Variants in MEGF9 observed in about 807,000 individuals in gnomAD.
The protein encoded by MEGF9 is multiple epidermal growth factor-like domains protein 9.
Under a neutral mutation model 46.8 loss-of-function variants are expected in MEGF9, and 6 were observed. The ratio of observed to expected loss-of-function variants is 0.13; its 90% CI spans 0.07 to 0.25. The LOEUF is 0.25. Among genes scored for constraint, MEGF9 ranks in the 10% least tolerant of loss-of-function variants. The pLI, the probability that MEGF9 is intolerant of heterozygous loss-of-function variation, is 1.00. For synonymous variants in MEGF9, 302 were observed against 330.7 expected (o/e 0.91, Z 0.94); for missense variants, 683 against 792.4 (o/e 0.86, Z 1.66).
chr9:120,639,889 C>G (rs1355632676), intron 2 of MEGF9, among the ~76,000 whole-genome samples: 14 of 152,202 alleles, frequency 9.2e-5, no homozygotes, highest in East Asian at 7.7e-4. Context: ...CATTTTCTTC[C>G]TAATAGATAG....
intron 2 of MEGF9, among the ~76,000 whole-genome samples, chr9:120,631,545 T>C (rs2043550743): frequency 6.6e-6 from 1 of 151,196 alleles, no homozygotes; most frequent in African/African-American, 2.4e-5. Context: ...AGTGCAGTGG[T>C]GCAATCTCAA....
intron 1 of MEGF9, among the ~76,000 whole-genome samples, chr9:120,680,878 G>C (rs1260016980): frequency 6.6e-6 from 1 of 151,884 alleles, no homozygotes; most frequent in East Asian, 1.9e-4. Flanking sequence ...TCTTCCATCA[G>C]CTTGTGGTGA....
chr9:120,693,362 G>A (rs577493814), intron 1 of MEGF9, among the ~76,000 whole-genome samples: 32 of 151,684 alleles, frequency 2.1e-4, no homozygotes, highest in African/African-American at 7.7e-4. Flanking sequence ...AAGCAATAAG[G>A]AAACAGAAAG....
rs529855940 is a variant in MEGF9 at position 120,643,059 on chromosome 9, A to T, written c.803+16315T>A. Among the ~76,000 whole-genome samples the T allele has an allele frequency of 3.9e-5, 6 of 152,342 alleles. No homozygotes were observed. The East Asian group carries it at 1.2e-3, about 29-fold the overall frequency. On this transcript the variant is annotated intron_variant, in intron 2 of 5. Transcript: ENST00000373930. ...ACTATGTCAAAATAATCATGGCTGA[A>T]GCATTTGTGTCCCTTTTTATGGAAA...
chr9:120,671,996 G>C (rs1205101937), intron 1 of MEGF9, among the ~76,000 whole-genome samples: 1 of 152,110 alleles, frequency 6.6e-6, no homozygotes, highest in Non-Finnish European at 1.5e-5. Context: ...GCAGACTAAA[G>C]AAAAATGCCA....
intron 1 of MEGF9, among the ~76,000 whole-genome samples, chr9:120,708,321 C>G (rs2043937920): frequency 6.6e-6 from 1 of 151,760 alleles, no homozygotes; most frequent in South Asian, 2.1e-4. Flanking sequence ...TCCGAGATGG[C>G]ACCACTGCAC....
intron 1 of MEGF9, among the ~76,000 whole-genome samples, chr9:120,695,814 G>GAATTTCCTATTAAA (rs2043874406): frequency 6.6e-6 from 1 of 152,054 alleles, no homozygotes; most frequent in Non-Finnish European, 1.5e-5. Context: ...CTATTTGGAG[G>GAATTTCCTATTAAA]AATTCTCCAT....
intron 1 of MEGF9, among the ~76,000 whole-genome samples, chr9:120,710,804 G>C (rs2043949556): frequency 6.6e-6 from 1 of 152,198 alleles, no homozygotes; most frequent in Non-Finnish European, 1.5e-5. Flanking sequence ...TTCTGCCAAA[G>C]AGATATGTTT....
intron 1 of MEGF9, among the ~76,000 whole-genome samples, chr9:120,679,875 T>C (rs1587993486): frequency 6.6e-6 from 1 of 150,842 alleles, no homozygotes; most frequent in Admixed American, 6.6e-5. Flanking sequence ...GAGGCGGAGG[T>C]TGCAGTGAGC....
Position 120,659,488 on chromosome 9 carries a change from T to C in MEGF9, c.689A>G (p.Tyr230Cys). The C allele has an allele frequency of 6.2e-7, 1 of 1,613,826 alleles. No homozygotes were observed. The highest frequency in any genetic ancestry group is 2.2e-5 in the East Asian group (1 of 44,876). Residue 230 changes from tyrosine to cysteine, a missense_variant, in exon 2 of 6, where the codon TAT becomes TGT. Transcript: ENST00000373930. Reference protein sequence around the residue: ...TTGQCECRPGYQGLHCETCKE... With the variant: ...TTGQCECRPGCQGLHCETCKE... ...GCAGGTTTCACAGTGAAGCCCCTGA[T>C]AACCTGGCCGACACTCACACTGCCC... is the stretch of plus-strand genomic sequence containing the variant.
rs1405893799 is a variant in MEGF9 at position 120,713,813 on chromosome 9, G to C, written c.546C>G (p.Asn182Lys). ...CAGGTGGGGTGGGGAGGACGCTGCTGTTGCTGCTGCTGGGGAGATCGGGGG... is the reference window on the plus strand; with the variant it reads ...CAGGTGGGGTGGGGAGGACGCTGCTCTTGCTGCTGCTGGGGAGATCGGGGG... ...TPTPDLPSSS[N>K]SSVLPTPPAT... The change falls in exon 1 of 6, where the codon AAC (asparagine) becomes AAG (lysine). Residue 182 changes from asparagine to lysine, a missense_variant. Physicochemically the swap from Asn to Lys is moderately conservative, Grantham distance 94. Transcript: ENST00000373930. 7.7e-7 allele frequency: 1 copy of C among 1,298,792 alleles called. No homozygotes were observed. Among genetic ancestry groups the C allele is most frequent in the Non-Finnish European group, 9.8e-7 (1 of 1,022,706 alleles). 80.5% of individuals were successfully genotyped at this position (1,298,792 alleles called of 1,614,324 possible).
intron 2 of MEGF9, among the ~76,000 whole-genome samples, chr9:120,636,754 C>T (rs1431310787): frequency 9.9e-5 from 15 of 151,990 alleles, no homozygotes; most frequent in Admixed American, 6.5e-4. Context: ...CGCCTCCGCC[C>T]GGCCGCCCCA....
At chr9:120,677,341 C>T (rs907375825) in intron 1 of MEGF9, among the ~76,000 whole-genome samples, 3 of 152,070 alleles carry the variant, frequency 2.0e-5, no homozygotes, top group African/African-American at 7.2e-5. Flanking sequence ...CATCATGTTG[C>T]CCAGGCTGGT....
chr9:120,601,299 C>A lies in MEGF9; in HGVS notation c.*3891G>T, dbSNP rs938808653. ...CCCACATAGCCCAAAATATAGGAACCAGGGATGTTCATTATAAGTGGTGTT... is the reference window on the plus strand; with the variant it reads ...CCCACATAGCCCAAAATATAGGAACAAGGGATGTTCATTATAAGTGGTGTT... On this transcript the variant is annotated 3_prime_UTR_variant, in exon 6 of 6. Transcript: ENST00000373930. 1 of 152,154 alleles carries A rather than the reference C, an allele frequency of 6.6e-6. No individual in the cohort carries two copies. The highest frequency in any genetic ancestry group is 1.5e-5 in the Non-Finnish European group (1 of 68,034). 9.4% of individuals were successfully genotyped at this position (152,154 alleles called of 1,614,324 possible).
At chr9:120,651,166 GC>G (rs2043647870) in intron 2 of MEGF9, among the ~76,000 whole-genome samples, 1 of 152,066 alleles carries the variant, frequency 6.6e-6, no homozygotes, top group Non-Finnish European at 1.5e-5. Flanking sequence ...TTTCTACTAC[GC>G]CAAAACTAGG....
rs189673487 is a variant in MEGF9 at position 120,666,089 on chromosome 9, A to C, written c.602-6514T>G. On this transcript the variant is annotated intron_variant, in intron 1 of 5. Transcript: ENST00000373930. ...GCTTTGTCTGCTGTGATTCCATATGAATTTTAGGGTTTTTTTTAAAATTTC... is the reference window on the plus strand; with the variant it reads ...GCTTTGTCTGCTGTGATTCCATATGCATTTTAGGGTTTTTTTTAAAATTTC... Among the ~76,000 whole-genome samples the C allele has an allele frequency of 5.1e-4, 78 of 152,042 alleles. 2 individuals are homozygous for C. In the East Asian group the frequency reaches 0.014, roughly 26 times the overall value.
At chr9:120,694,888 G>C (rs1307597074) in intron 1 of MEGF9, among the ~76,000 whole-genome samples, 3 of 152,050 alleles carry the variant, frequency 2.0e-5, no homozygotes, top group Non-Finnish European at 4.4e-5. Context: ...ATGGTGCTTT[G>C]AATTTCCCAT....
intron 2 of MEGF9, among the ~76,000 whole-genome samples, chr9:120,654,836 T>C: frequency 6.6e-6 from 1 of 152,332 alleles, no homozygotes; most frequent in East Asian, 1.9e-4. Context: ...TGACTTTGTG[T>C]AGGCCTAGGC....
At chr9:120,691,468 TG>T in intron 1 of MEGF9, 1 of 470,072 alleles carries the variant, frequency 2.1e-6, no homozygotes, top group Non-Finnish European at 4.3e-6. Flanking sequence ...CACAGGCCAC[TG>T]ATGCCCTGAA....
Sources: gnomAD v4.1 joint callset for allele counts (sites outside exome capture counted in the v4.1 genomes callset) on GRCh38, gnomAD v4.1.1 for gene constraint, MANE v1.5 for transcripts, NCBI Gene and HGNC (gene_info 2026-07-23, HGNC 2026-07-21) for gene names.